The following RWDD4 variants were observed in gnomAD, a reference collection of about 807,000 sequenced individuals.
The protein encoded by RWDD4 is RWD domain containing 4.
A neutral mutation model predicts 30.0 loss-of-function variants in RWDD4; 16 were observed. That is an observed-to-expected ratio of 0.53 (90% CI 0.36 to 0.81). The LOEUF is 0.81. RWDD4 is among the 30% of genes least tolerant of loss of function. The pLI is 0.00. For missense variants in RWDD4, 170 were observed against 223.9 expected (o/e 0.76, Z 1.54); for synonymous variants, 45 against 72.1 (o/e 0.62, Z 1.90).
At position 183,639,664 on chromosome 4, in the gene RWDD4, TATTA is replaced by T. The variant is rs1245188320; in HGVS notation, c.*1768_*1771del. 4 of 152,592 alleles carry T rather than the reference TATTA, an allele frequency of 2.6e-5. No homozygotes were observed. The highest frequency in any genetic ancestry group is 9.6e-5 in the African/African-American group (4 of 41,452). The allele number at this position is 152,592 out of a possible 1,614,324, so 9.5% of individuals were successfully genotyped here. On this transcript the variant is annotated 3_prime_UTR_variant, in exon 8 of 8. Transcript: ENST00000326397. Reference sequence around the variant, plus strand: ...TGTGTATAATTCAGACTTTATTGCTTATTAATTATGTCACTCCACAAAATTTTAA... The same window carrying T: ...TGTGTATAATTCAGACTTTATTGCTTATTATGTCACTCCACAAAATTTTAA...
chr4:183,658,452 T>C (rs1035687344), intron 1 of RWDD4, among the ~76,000 whole-genome samples: 1 of 152,072 alleles, frequency 6.6e-6, no homozygotes, highest in Admixed American at 6.6e-5. Context: ...GACAGATGGG[T>C]AAAAGATTTC....
At chr4:183,652,579 A>G (rs1296130312) in intron 2 of RWDD4, among the ~76,000 whole-genome samples, 7 of 152,124 alleles carry the variant, frequency 4.6e-5, no homozygotes, top group African/African-American at 1.7e-4. Context: ...TGGGAGGCCA[A>G]GGCGGGTAGA....
At chr4:183,645,536 G>A (rs1733950799) in intron 7 of RWDD4, among the ~76,000 whole-genome samples, 1 of 150,830 alleles carries the variant, frequency 6.6e-6, no homozygotes. Context: ...TTGTGAGGCC[G>A]AGGTAGCAGG....
rs140706494 is a variant in RWDD4, at chr4:183,654,980, G to A, written c.105+901C>T. ...TTTTTTTTTTGAGTCCCGCTCTGTC[G>A]CCCAGACTGGAGTGCAGTGGCACAA... On this transcript the variant is annotated intron_variant, in intron 2 of 7. Coordinates refer to ENST00000326397, the MANE Select transcript of RWDD4 (RefSeq NM_152682.4). Among the ~76,000 whole-genome samples, 196 of 150,116 alleles carry A rather than the reference G, an allele frequency of 1.3e-3. 4 individuals are homozygous for A. In the East Asian group the frequency reaches 0.029, roughly 22 times the overall value.
In RWDD4 at chr4:183,659,145, G is replaced by GGGCTACGAGCCGGAGCCGC. The variant is rs1734315189; in HGVS notation, c.-212_-194dup. 4.8e-6 allele frequency: 2 copies of GGGCTACGAGCCGGAGCCGC among 417,678 alleles called. No individual in the cohort carries two copies. The highest frequency in any genetic ancestry group is 8.2e-6 in the Non-Finnish European group (2 of 245,060). The allele number at this position is 417,678 out of a possible 1,614,324, so 25.9% of individuals were successfully genotyped here. On this transcript the variant is annotated 5_prime_UTR_variant, in exon 1 of 8. Transcript: ENST00000326397. The stretch of plus-strand genomic sequence containing the variant: ...CGCCCAGCCGCCGGCAGTGGGCTGT[G>GGGCTACGAGCCGGAGCCGC]GGCTACGAGCCGGAGCCGCGGCTGG...
At chr4:183,653,083 C>G (rs1196043057) in intron 2 of RWDD4, among the ~76,000 whole-genome samples, 3 of 152,108 alleles carry the variant, frequency 2.0e-5, no homozygotes, top group Non-Finnish European at 4.4e-5. Context: ...ATAATGTCCC[C>G]AGATCTGAAC....
At chr4:183,656,967 A>G (rs1267854776) in intron 1 of RWDD4, among the ~76,000 whole-genome samples, 1 of 152,256 alleles carries the variant, frequency 6.6e-6, no homozygotes, top group South Asian at 2.1e-4. Flanking sequence ...CGGAGGTTGC[A>G]GTGAGCCGAG....
rs965245800 is a variant in RWDD4 at position 183,659,127 on chromosome 4, C to T, written c.-175G>A. 7.3e-5 allele frequency: 33 copies of T among 449,006 alleles called. No individual in the cohort carries two copies. The highest frequency in any genetic ancestry group is 1.0e-4 in the Non-Finnish European group (28 of 273,828). 27.8% of individuals were successfully genotyped at this position (449,006 alleles called of 1,614,324 possible). A position where few individuals can be genotyped will look rare whatever the true frequency, so the allele number is the denominator to read the frequency against. ...CGCCCCGAGCCTCGGCAGCGCCCAG[C>T]CGCCGGCAGTGGGCTGTGGGCTACG... On this transcript the variant is annotated 5_prime_UTR_variant, in exon 1 of 8. Transcript: ENST00000326397.
chr4:183,649,416 AAAAAG>A (rs761878474), intron 5 of RWDD4, 30 bp downstream of exon 5: 138 of 1,418,676 alleles, frequency 9.7e-5, no homozygotes, highest in Middle Eastern at 2.5e-4. Context: ...CTCTGTCAAA[AAAAAG>A]AAAAGAAAAG....
intron 7 of RWDD4, among the ~76,000 whole-genome samples, chr4:183,645,599 CAAAAA>C (rs11310523): frequency 9.0e-6 from 1 of 111,518 alleles, no homozygotes. Context: ...TCTGTCTCTG[CAAAAA>C]AAAAAAAAAA....
At chr4:183,649,412 C>CAA in intron 5 of RWDD4, 39 bp downstream of exon 5, 2 of 1,368,632 alleles carry the variant, frequency 1.5e-6, no homozygotes, top group Non-Finnish European at 2.1e-6. Flanking sequence ...GAGACTCTGT[C>CAA]AAAAAAAAGA....
intron 2 of RWDD4, among the ~76,000 whole-genome samples, chr4:183,651,781 T>C (rs6810472): frequency 0.42 from 63,336 of 152,004 alleles, 13,249 homozygotes; most frequent in African/African-American, 0.47. Context: ...GAAAATGAAA[T>C]TTAAAACTGA....
Position 183,659,042 on chromosome 4 carries a change from C to G in RWDD4, c.-90G>C. On this transcript the variant is annotated 5_prime_UTR_variant, in exon 1 of 8. Coordinates refer to ENST00000326397, the MANE Select transcript of RWDD4 (RefSeq NM_152682.4). ...AGCGGCCCAGAGGCCGGGCGTCCCC[C>G]TTTCGCGCCTCGGCTGTGGGGGCGG... 2.0e-6 allele frequency: 2 copies of G among 1,023,702 alleles called. No individual in the cohort carries two copies. The highest frequency in any genetic ancestry group is 9.9e-5 in the South Asian group (2 of 20,258). The allele number at this position is 1,023,702 out of a possible 1,614,324, so 63.4% of individuals were successfully genotyped here.
In RWDD4 at chr4:183,640,967, ACGGT is replaced by A. The variant is rs1733843942; in HGVS notation, c.*465_*468del. ...CATTTAAATTTCTCTGAAGTAATTTACGGTTCAGTAATTAAGCAAAAGAAGAGAT... is the reference window on the plus strand; with the variant it reads ...CATTTAAATTTCTCTGAAGTAATTTATCAGTAATTAAGCAAAAGAAGAGAT... On this transcript the variant is annotated 3_prime_UTR_variant, in exon 8 of 8. Transcript: ENST00000326397. 6.5e-6 allele frequency: 1 copy of A among 153,132 alleles called. No homozygotes were observed. Among genetic ancestry groups the A allele is most frequent in the Non-Finnish European group, 1.5e-5 (1 of 68,416 alleles). The allele number at this position is 153,132 out of a possible 1,614,324, so 9.5% of individuals were successfully genotyped here. A position where few individuals can be genotyped will look rare whatever the true frequency, so the allele number is the denominator to read the frequency against.
rs758886270 is a variant in RWDD4, at chr4:183,651,110, A to T, written c.237T>A (p.Ser79Arg). 6.2e-7 allele frequency: 1 copy of T among 1,614,122 alleles called. No homozygotes were observed. The highest frequency in any genetic ancestry group is 1.3e-5 in the African/African-American group (1 of 75,062). The change falls in exon 4 of 8, where the codon AGT becomes AGA. Residue 79 changes from serine (S) to arginine (R), a missense_variant. Transcript: ENST00000326397. Reference sequence around the variant, plus strand: ...CTGCTTCCTGTAGCTTGGCTAATATACTCTGCTTTACAGCTGATGATCTAC... The same window carrying T: ...CTGCTTCCTGTAGCTTGGCTAATATTCTCTGCTTTACAGCTGATGATCTAC... Reference protein sequence around the residue: ...NNTISSAVKQSILAKLQEAVE... With the variant: ...NNTISSAVKQRILAKLQEAVE...
chr4:183,651,752 G>A (rs1734080961), intron 2 of RWDD4, among the ~76,000 whole-genome samples: 1 of 152,132 alleles, frequency 6.6e-6, no homozygotes, highest in African/African-American at 2.4e-5. Context: ...ATCCTAGGAG[G>A]CACAACCCCA....
intron 7 of RWDD4, among the ~76,000 whole-genome samples, chr4:183,645,143 A>C (rs1275052498): frequency 6.6e-6 from 1 of 152,140 alleles, no homozygotes; most frequent in African/African-American, 2.4e-5. Flanking sequence ...ACAACCAAAA[A>C]GGTTTAAGAA....
At chr4:183,642,787 G>A (rs966583079) in intron 7 of RWDD4, among the ~76,000 whole-genome samples, 4 of 151,902 alleles carry the variant, frequency 2.6e-5, no homozygotes, top group African/African-American at 7.2e-5. Context: ...GGCTGGGCGC[G>A]GTGGCTCACG....
In RWDD4 at chr4:183,659,010, C is replaced by G; in HGVS notation, c.-58G>C. ...GGCGTTCGCAACAACGAAGAGAAAG[C>G]GAAGGCAGCGGCCCAGAGGCCGGGC... On this transcript the variant is annotated 5_prime_UTR_variant, in exon 1 of 8. Transcript: ENST00000326397. The G allele has an allele frequency of 8.1e-7, 1 of 1,231,548 alleles. No homozygotes were observed. The highest frequency in any genetic ancestry group is 3.8e-5 in the South Asian group (1 of 26,062). The allele number at this position is 1,231,548 out of a possible 1,614,324, so 76.3% of individuals were successfully genotyped here.
Sources: gnomAD v4.1 joint callset for allele counts (sites outside exome capture counted in the v4.1 genomes callset) on GRCh38, gnomAD v4.1.1 for gene constraint, MANE v1.5 for transcripts, NCBI Gene and HGNC (gene_info 2026-07-23, HGNC 2026-07-21) for gene names.